CCSER1: variants seen among roughly 807,000 people sequenced by gnomAD.
The protein encoded by CCSER1 is coiled-coil serine rich protein 1.
In CCSER1, 41 loss-of-function variants were observed where a neutral mutation model predicts 82.0. The observed-to-expected ratio is 0.50, with a 90% CI of 0.39 to 0.65. CCSER1 has a LOEUF of 0.65. Among genes scored for constraint, CCSER1 ranks in the 30% least tolerant of loss-of-function variants. The probability of loss-of-function intolerance (pLI) is 0.00; values close to 1 mark genes in which losing one functional copy is unlikely to be tolerated. For synonymous variants in CCSER1, 414 were observed against 383.9 expected, an observed-to-expected ratio of 1.08 and a Z score of -0.92; for missense variants, 1,119 against 1,064.2, an observed-to-expected ratio of 1.05 and a Z score of -0.72.
At chr4:91,516,931 G>A (rs184682645) in intron 10 of CCSER1, among the ~76,000 whole-genome samples, 263 of 152,164 alleles carry the variant, frequency 1.7e-3, no homozygotes, top group Admixed American at 2.9e-3. Flanking sequence ...TCCCTATGTA[G>A]CTGTATTCCT....
At chr4:90,916,165 T>A (rs2150217396) in intron 8 of CCSER1, among the ~76,000 whole-genome samples, 1 of 152,198 alleles carries the variant, frequency 6.6e-6, no homozygotes, top group Non-Finnish European at 1.5e-5. Context: ...AAAAAACTAC[T>A]TTAAAGTTCA....
At chr4:91,160,107 C>T (rs984707820) in intron 10 of CCSER1, among the ~76,000 whole-genome samples, 4 of 151,518 alleles carry the variant, frequency 2.6e-5, no homozygotes, top group Admixed American at 1.3e-4. Context: ...CAAGTGTTCT[C>T]ATTGTTCAGT....
chr4:90,223,584 G>C (rs1331133270), intron 1 of CCSER1, among the ~76,000 whole-genome samples: 1 of 152,184 alleles, frequency 6.6e-6, no homozygotes, highest in Non-Finnish European at 1.5e-5. Context: ...TCCCAAGTGA[G>C]AGACAGAGGT....
intron 10 of CCSER1, among the ~76,000 whole-genome samples, chr4:91,114,981 T>G (rs999356974): frequency 6.6e-6 from 1 of 152,180 alleles, no homozygotes; most frequent in African/African-American, 2.4e-5. Context: ...TGAGTTTTTA[T>G]TTTATGGGAA....
chr4:90,525,658 G>A (rs1773668234), intron 5 of CCSER1, among the ~76,000 whole-genome samples: 2 of 151,422 alleles, frequency 1.3e-5, no homozygotes, highest in South Asian at 4.2e-4. Context: ...TGTTCCCTCT[G>A]TCTTTTAATG....
intron 10 of CCSER1, among the ~76,000 whole-genome samples, chr4:91,188,290 T>A (rs572831665): frequency 1.5e-4 from 23 of 152,286 alleles, no homozygotes; most frequent in South Asian, 8.3e-4. Flanking sequence ...ACATTGTCTA[T>A]AACAATACTA....
At chr4:91,252,594 C>T (rs1345108476) in intron 10 of CCSER1, among the ~76,000 whole-genome samples, 1 of 152,070 alleles carries the variant, frequency 6.6e-6, no homozygotes, top group Non-Finnish European at 1.5e-5. Context: ...AGTTTAATGA[C>T]TAATGCATTT....
intron 10 of CCSER1, among the ~76,000 whole-genome samples, chr4:91,187,351 A>G (rs1182013968): frequency 1.3e-5 from 2 of 152,174 alleles, no homozygotes; most frequent in Admixed American, 6.5e-5. Flanking sequence ...GGTAGTATTA[A>G]TCATAGGATT....
At position 91,560,755 on chromosome 4, in the gene CCSER1, A is replaced by G. The variant is rs1442112708; in HGVS notation, c.2218-37817A>G. 2.0e-5 allele frequency among the ~76,000 whole-genome samples: 3 copies of G among 151,368 alleles called. 1 individual carries two copies. Among genetic ancestry groups the G allele is most frequent in the Non-Finnish European group, 4.4e-5 (3 of 67,538 alleles). ...CTAGCCTACTTTTCCTGTGAATTTG[A>G]CCAGAGTTTTAAGCTTCTCAAGTGC... is the stretch of plus-strand genomic sequence containing the variant. On this transcript the variant is annotated intron_variant, in intron 10 of 10. Coordinates refer to ENST00000509176, the MANE Select transcript of CCSER1 (RefSeq NM_001145065.2).
At chr4:90,439,558 C>T (rs1213175120) in intron 4 of CCSER1, among the ~76,000 whole-genome samples, 1 of 152,098 alleles carries the variant, frequency 6.6e-6, no homozygotes, top group Non-Finnish European at 1.5e-5. Flanking sequence ...TGCTCTCTGC[C>T]AAGGCTTTTC....
intron 8 of CCSER1, among the ~76,000 whole-genome samples, chr4:90,845,937 A>T (rs1763188202): frequency 6.6e-6 from 1 of 151,984 alleles, no homozygotes. Context: ...CTGAGTCATT[A>T]GTGTCATAGT....
chr4:90,296,246 A>AG (rs1416671415), intron 1 of CCSER1, among the ~76,000 whole-genome samples: 1 of 152,120 alleles, frequency 6.6e-6, no homozygotes, highest in Non-Finnish European at 1.5e-5. Context: ...GTGCAGTCAA[A>AG]GTGATCAATG....
At chr4:91,510,592 A>G (rs1157841044) in intron 10 of CCSER1, among the ~76,000 whole-genome samples, 1 of 152,020 alleles carries the variant, frequency 6.6e-6, no homozygotes, top group Non-Finnish European at 1.5e-5. Context: ...TGATGTTGAG[A>G]ATTTTCCACG....
chr4:90,302,254 A>C (rs1420273239), intron 1 of CCSER1, among the ~76,000 whole-genome samples: 1 of 152,236 alleles, frequency 6.6e-6, no homozygotes, highest in Non-Finnish European at 1.5e-5. Context: ...TTAAGACAAA[A>C]TAGTAAATTG....
chr4:90,139,121 A>C (rs566019212), intron 1 of CCSER1, among the ~76,000 whole-genome samples: 27 of 152,278 alleles, frequency 1.8e-4, no homozygotes, highest in African/African-American at 4.8e-4. Flanking sequence ...GCTTGTTTCC[A>C]GATCTCCAAC....
At chr4:90,683,454 A>G (rs1327692035) in intron 6 of CCSER1, among the ~76,000 whole-genome samples, 3 of 152,090 alleles carry the variant, frequency 2.0e-5, no homozygotes, top group Non-Finnish European at 4.4e-5. Flanking sequence ...ATACATAGCA[A>G]AAATGGTGAA....
chr4:90,831,497 A>C (rs1382727143), intron 8 of CCSER1, among the ~76,000 whole-genome samples: 2 of 152,216 alleles, frequency 1.3e-5, no homozygotes, highest in Non-Finnish European at 2.9e-5. Flanking sequence ...CCTGCTAGGA[A>C]GATGAGAATA....
At position 91,315,389 on chromosome 4, in the gene CCSER1, G is replaced by A. The variant is rs535053628; in HGVS notation, c.2217+229395G>A. On this transcript the variant is annotated intron_variant, in intron 10 of 10. Coordinates refer to ENST00000509176, the MANE Select transcript of CCSER1 (RefSeq NM_001145065.2). ...TGAACTTCTTTCAGGCAGAGACAGT[G>A]CTGTATTTTTCATTATATTTCCACT... Among the ~76,000 whole-genome samples the A allele has an allele frequency of 3.9e-5, 6 of 152,056 alleles. No homozygotes were observed. In the East Asian group the frequency reaches 1.2e-3, roughly 30 times the overall value.
intron 9 of CCSER1, among the ~76,000 whole-genome samples, chr4:90,929,998 A>G (rs1729532845): frequency 6.6e-6 from 1 of 152,214 alleles, no homozygotes. Context: ...AATGTATACA[A>G]TTTGTCAGTT....
Sources: allele counts gnomAD v4.1 joint callset (sites outside exome capture counted in the v4.1 genomes callset), GRCh38; gene constraint gnomAD v4.1.1; transcripts MANE v1.5; gene names NCBI Gene and HGNC (gene_info 2026-07-23, HGNC 2026-07-21).